Variants in RIPOR1 observed in about 807,000 individuals in gnomAD.
The protein encoded by RIPOR1 is rho family-interacting cell polarization regulator 1.
RIPOR1 carries 58 observed loss-of-function variants against 116.5 expected under a neutral mutation model. The ratio of observed to expected loss-of-function variants is 0.50; its 90% CI spans 0.40 to 0.62. The LOEUF is 0.62. RIPOR1 is among the 20% of genes least tolerant of loss of function. The pLI is 0.00. For missense variants in RIPOR1, 1,372 were observed against 1,586.2 expected (o/e 0.86, Z 2.29); for synonymous variants, 605 against 650.0 (o/e 0.93, Z 1.05).
intron 4 of RIPOR1, chr16:67,539,462 CAG>C (rs1567569702): frequency 7.0e-6 from 4 of 570,106 alleles, no homozygotes; most frequent in South Asian, 6.0e-5. Context: ...CACAAGGAAG[CAG>C]AGAGCTCTCC....
chr16:67,529,204 G>A lies in RIPOR1; in HGVS notation c.-24+290G>A, dbSNP rs1287759220. The A allele has an allele frequency of 2.0e-5, 3 of 152,664 alleles. No individual in the cohort carries two copies. Among genetic ancestry groups the A allele is most frequent in the African/African-American group, 7.2e-5 (3 of 41,470 alleles). The allele number at this position is 152,664 out of a possible 1,614,324, so 9.5% of individuals were successfully genotyped here. ...GCCGGTGCCCCGGGGCGCTGGGATG[G>A]GCCAGGCCAGAGAGCGGGCTCAAGG... On this transcript the variant is annotated intron_variant, in intron 1 of 21. Transcript: ENST00000042381. The surrounding 1 kb of genome is among the most constrained non-coding windows in gnomAD (Gnocchi z 4.1).
At position 67,544,546 on chromosome 16, in the gene RIPOR1, G is replaced by T; in HGVS notation, c.2733+115G>T. 1 of 1,533,552 alleles carries T rather than the reference G, an allele frequency of 6.5e-7. No individual in the cohort carries two copies. Among genetic ancestry groups the T allele is most frequent in the South Asian group, 1.2e-5 (1 of 85,274 alleles). The allele number at this position is 1,533,552 out of a possible 1,614,324, so 95.0% of individuals were successfully genotyped here. A position where few individuals can be genotyped will look rare whatever the true frequency, so the allele number is the denominator to read the frequency against. On this transcript the variant is annotated intron_variant, in intron 15 of 21. Coordinates refer to ENST00000042381, the MANE Select transcript of RIPOR1 (RefSeq NM_024519.4). This position sits in a 1 kb window ranked among gnomAD's most constrained non-coding sequence, Gnocchi z 5.1. ...TGAGTGCCACACCCCAGTGCCCCAG[G>T]GCCCTTGGCATCTGGCCCTTGCTGA...
chr16:67,539,580 A>G lies in RIPOR1; in HGVS notation c.337-148A>G, dbSNP rs1487891086. On this transcript the variant is annotated intron_variant, in intron 4 of 21. Transcript: ENST00000042381. ...GCTACCAGCATCCACCAAGGGCTAG[A>G]CCAGCAGGAAGGGGCGTCAGTTGCT... 5.2e-6 allele frequency: 5 copies of G among 953,528 alleles called. No individual in the cohort carries two copies. The East Asian group carries it at 1.2e-4, about 23-fold the overall frequency. The allele number at this position is 953,528 out of a possible 1,614,324, so 59.1% of individuals were successfully genotyped here. A position where few individuals can be genotyped will look rare whatever the true frequency, so the allele number is the denominator to read the frequency against.
chr16:67,545,036 C>T lies in RIPOR1; in HGVS notation c.2950C>T (p.Pro984Ser). The T allele has an allele frequency of 6.2e-7, 1 of 1,613,616 alleles. No homozygotes were observed. The highest frequency in any genetic ancestry group is 8.5e-7 in the Non-Finnish European group (1 of 1,180,026). Residue 984 changes from proline to serine, a missense_variant, in exon 17 of 22, where the codon CCG (proline) becomes TCG (serine). Physicochemically the swap from Pro to Ser is moderately conservative, Grantham distance 74. Coordinates refer to ENST00000042381, the MANE Select transcript of RIPOR1 (RefSeq NM_024519.4). The surrounding 1 kb of genome is among the most constrained non-coding windows in gnomAD (Gnocchi z 4.8). ...AGAGAGACTCAGCTGCTTCCTCTGCCCGGTGGAGCGGGTGCTTCTCACCTT... is the reference window on the plus strand; with the variant it reads ...AGAGAGACTCAGCTGCTTCCTCTGCTCGGTGGAGCGGGTGCTTCTCACCTT... ...CTERLSCFLCPVERVLLTFCN... is the reference protein window; with the variant it reads ...CTERLSCFLCSVERVLLTFCN...
At chr16:67,538,262 T>A in intron 1 of RIPOR1, 162 bp from the exon 2 acceptor site, 1 of 861,896 alleles carries the variant, frequency 1.2e-6, no homozygotes, top group Non-Finnish European at 1.7e-6. Context: ...GGCTGTCCTG[T>A]CATTAGTGCC....
chr16:67,527,705 T>C (rs2050556357), upstream of RIPOR1, among the ~76,000 whole-genome samples: 1 of 151,978 alleles, frequency 6.6e-6, no homozygotes, highest in East Asian at 1.9e-4. Context: ...TGAAACCCCA[T>C]CTCTACCAAA....
intron 1 of RIPOR1, among the ~76,000 whole-genome samples, chr16:67,536,955 G>A (rs1461361002): frequency 2.6e-5 from 4 of 152,138 alleles, no homozygotes; most frequent in Admixed American, 1.3e-4. Flanking sequence ...TTTTTTGGGG[G>A]AGACGGAGTC....
At position 67,520,437 on chromosome 16, in the gene RIPOR1, T is replaced by TAAGAGAAGAG. The variant is rs796162372; in HGVS notation, c.-24+1842_-24+1851dup. Among the ~76,000 whole-genome samples, 329 of 145,556 alleles carry TAAGAGAAGAG rather than the reference T, an allele frequency of 2.3e-3. 1 individual carries two copies. Among genetic ancestry groups the TAAGAGAAGAG allele is most frequent in the African/African-American group, 3.3e-3 (126 of 38,744 alleles). ...GGGATGGAAAAGAGAGAAGAGAAGA[T>TAAGAGAAGAG]AAGAGAAGAGAAGAGAAGAGAAGAG... On this transcript the variant is annotated intron_variant, in intron 1 of 1. Coordinates refer to the RIPOR1 transcript ENST00000562116.
At chr16:67,532,143 C>T (rs921538195) in intron 1 of RIPOR1, among the ~76,000 whole-genome samples, 2 of 152,068 alleles carry the variant, frequency 1.3e-5, no homozygotes, top group East Asian at 3.9e-4. Context: ...TCATGATCCG[C>T]CCTCCTCAGC....
In RIPOR1 at chr16:67,538,515, C is replaced by T. The variant is rs577540820; in HGVS notation, c.69C>T (p.Phe23=). 7.4e-6 allele frequency: 12 copies of T among 1,612,062 alleles called. No homozygotes were observed. The change falls in exon 2 of 22, where the codon TTC becomes TTT. Residue 23 remains phenylalanine (F), a synonymous_variant. Coordinates refer to ENST00000042381, the MANE Select transcript of RIPOR1 (RefSeq NM_024519.4). Reference sequence around the variant, plus strand: ...CCCGGGTCAATAGGAGCCAGTCCTTCGCAGGCGTCCTCGGCAGCCACGAGC... The same window carrying T: ...CCCGGGTCAATAGGAGCCAGTCCTTTGCAGGCGTCCTCGGCAGCCACGAGC... ...LSARVNRSQS[F]AGVLGSHERG...
chr16:67,538,975 C>A lies in RIPOR1; in HGVS notation c.258-15C>A. 1.2e-6 allele frequency: 2 copies of A among 1,613,636 alleles called. No homozygotes were observed. The highest frequency in any genetic ancestry group is 2.2e-5 in the South Asian group (2 of 91,004). ...GGAGAGCCGAGTTCATTCTTGTGGTCGCCCCTTTCCTCAGGGCCTACTTGG... is the reference window on the plus strand; with the variant it reads ...GGAGAGCCGAGTTCATTCTTGTGGTAGCCCCTTTCCTCAGGGCCTACTTGG... On this transcript the variant is annotated splice_polypyrimidine_tract_variant and intron_variant, in intron 3 of 21. Coordinates refer to ENST00000042381, the MANE Select transcript of RIPOR1 (RefSeq NM_024519.4).
chr16:67,527,755 G>T (rs1176188635), upstream of RIPOR1, among the ~76,000 whole-genome samples: 1 of 151,378 alleles, frequency 6.6e-6, no homozygotes, highest in Non-Finnish European at 1.5e-5. Flanking sequence ...GGCGCCTGTA[G>T]TCCCAGCTAC....
chr16:67,539,520 G>A (rs1036243919), intron 4 of RIPOR1: 7 of 642,440 alleles, frequency 1.1e-5, no homozygotes, highest in South Asian at 1.9e-5. Flanking sequence ...GGTGGAAGGA[G>A]GGGTCCTGGA....
chr16:67,535,250 G>T lies in RIPOR1; in HGVS notation c.-23-3174G>T, dbSNP rs559706247. Among the ~76,000 whole-genome samples, 9 of 152,324 alleles carry T rather than the reference G, an allele frequency of 5.9e-5. No homozygotes were observed. The South Asian group carries it at 1.9e-3, about 32-fold the overall frequency. ...TGACTAGGGTCACACTTGAGGATTT[G>T]CCAGGTGGGCAGTGAGGGCCTGGCC... On this transcript the variant is annotated intron_variant, in intron 1 of 21. Transcript: ENST00000042381.
In RIPOR1 at chr16:67,546,472, C is replaced by A; in HGVS notation, c.*9C>A. 1.9e-6 allele frequency: 3 copies of A among 1,608,742 alleles called. No individual in the cohort carries two copies. The highest frequency in any genetic ancestry group is 2.6e-6 in the Non-Finnish European group (3 of 1,175,672). On this transcript the variant is annotated 3_prime_UTR_variant, in exon 22 of 22. Coordinates refer to ENST00000042381, the MANE Select transcript of RIPOR1 (RefSeq NM_024519.4). ...CCAGCACAGCATTCTAAACTATTCA[C>A]CCATGGGTTCCTGGTGCCCCTTTCC... is the stretch of plus-strand genomic sequence containing the variant.
rs143856664 is a variant in RIPOR1, at chr16:67,539,003, G to C, written c.271G>C (p.Val91Leu). The change falls in exon 4 of 22, where the codon GTG (valine) becomes CTG (leucine). Residue 91 changes from valine (V) to leucine (L), a missense_variant. Val to Leu is a conservative substitution (Grantham distance 32). This residue lies in a region of RIPOR1 where 165 missense variants were observed against 145.5 expected (regional missense o/e 1.13). Coordinates refer to ENST00000042381, the MANE Select transcript of RIPOR1 (RefSeq NM_024519.4). ...CCCTTTCCTCAGGGCCTACTTGGAA[G>C]TGCACCAGCAGGAGCAAGAGAAACT... ...LKRGLTAYLE[V>L]HQQEQEKLQG... is the part of the protein sequence containing the mutation. 6.2e-7 allele frequency: 1 copy of C among 1,613,832 alleles called. No individual in the cohort carries two copies. The highest frequency in any genetic ancestry group is 8.5e-7 in the Non-Finnish European group (1 of 1,179,934).
chr16:67,540,300 A>C lies in RIPOR1; in HGVS notation c.568A>C (p.Ser190Arg). Residue 190 changes from serine to arginine, a missense_variant and splice_region_variant, in exon 8 of 22, where the codon AGC becomes CGC. Coordinates refer to ENST00000042381, the MANE Select transcript of RIPOR1 (RefSeq NM_024519.4). This position sits in a 1 kb window ranked among gnomAD's most constrained non-coding sequence, Gnocchi z 4.7. ...TCCTGTCCCTGCCCCTCCCTCCCAGAGCATGTGTCTGCTGGAGAGCGAGCT... is the reference window on the plus strand; with the variant it reads ...TCCTGTCCCTGCCCCTCCCTCCCAGCGCATGTGTCTGCTGGAGAGCGAGCT... Reference protein sequence around the residue: ...ATRGHREYTESMCLLESELEA... With the variant: ...ATRGHREYTERMCLLESELEA... The C allele has an allele frequency of 6.2e-7, 1 of 1,614,020 alleles. No individual in the cohort carries two copies. Among genetic ancestry groups the C allele is most frequent in the Non-Finnish European group, 8.5e-7 (1 of 1,179,996 alleles).
In RIPOR1 at chr16:67,529,715, C is replaced by T. The variant is rs2050603083; in HGVS notation, c.-24+801C>T. 6.6e-7 allele frequency: 1 copy of T among 1,520,980 alleles called. No homozygotes were observed. The highest frequency in any genetic ancestry group is 1.4e-5 in the African/African-American group (1 of 72,928). 94.2% of individuals were successfully genotyped at this position (1,520,980 alleles called of 1,614,324 possible). ...TGTGTCCAGGCTGGCCGCCCCAGCACCTACTGTGCGCAGCCTCGTGTAACA... is the reference window on the plus strand; with the variant it reads ...TGTGTCCAGGCTGGCCGCCCCAGCATCTACTGTGCGCAGCCTCGTGTAACA... On this transcript the variant is annotated intron_variant, in intron 1 of 21. Coordinates refer to ENST00000042381, the MANE Select transcript of RIPOR1 (RefSeq NM_024519.4). This position sits in a 1 kb window ranked among gnomAD's most constrained non-coding sequence, Gnocchi z 4.1.
rs2050859274 is a variant in RIPOR1 at position 67,538,285 on chromosome 16, A to C, written c.-23-139A>C. ...TGTCATTAGTGCCCGGGTCGGCGGG[A>C]CTAGGCGGACCCGGCCGGAGCCCGC... On this transcript the variant is annotated intron_variant, in intron 1 of 21. Coordinates refer to ENST00000042381, the MANE Select transcript of RIPOR1 (RefSeq NM_024519.4). 18 of 1,164,678 alleles carry C rather than the reference A, an allele frequency of 1.5e-5. No homozygotes were observed. The East Asian group carries it at 4.8e-4, about 31-fold the overall frequency. The allele number at this position is 1,164,678 out of a possible 1,614,324, so 72.1% of individuals were successfully genotyped here.
Sources: allele counts gnomAD v4.1 joint callset (sites outside exome capture counted in the v4.1 genomes callset), GRCh38; gene constraint gnomAD v4.1.1; regional missense constraint gnomAD v4.1.1; non-coding constraint Gnocchi (gnomAD v3.1); transcripts MANE v1.5; gene names NCBI Gene and HGNC (gene_info 2026-07-23, HGNC 2026-07-21).